The following CCDC3 variants were observed in gnomAD, a reference collection of about 807,000 sequenced individuals.
CCDC3 encodes the protein coiled-coil domain containing 3.
Under a neutral mutation model 21.4 loss-of-function variants are expected in CCDC3, and 24 were observed. The observed-to-expected ratio is 1.12, with a 90% CI of 0.81 to 1.58. CCDC3 has a LOEUF of 1.58. CCDC3 is among the 40% of genes most tolerant of loss of function. The probability of loss-of-function intolerance (pLI) is 0.00; values close to 1 mark genes in which losing one functional copy is unlikely to be tolerated. For missense variants in CCDC3, 425 were observed against 360.9 expected (o/e 1.18, Z -1.44); for synonymous variants, 186 against 166.0 (o/e 1.12, Z -0.93).
intron 3 of CCDC3, among the ~76,000 whole-genome samples, chr10:13,076,956 G>A (rs989569869): frequency 2.6e-5 from 4 of 152,264 alleles, no homozygotes; most frequent in African/African-American, 9.6e-5. Context: ...GCACAAGAGA[G>A]GGATGCCCTC....
intron 3 of CCDC3, among the ~76,000 whole-genome samples, chr10:13,087,956 T>C (rs933639620): frequency 6.6e-6 from 1 of 152,182 alleles, no homozygotes; most frequent in Non-Finnish European, 1.5e-5. Flanking sequence ...CTGTATAAAA[T>C]GATCAGATCC....
chr10:12,920,424 C>T (rs1380333328), intron 2 of CCDC3, among the ~76,000 whole-genome samples: 1 of 152,158 alleles, frequency 6.6e-6, no homozygotes, highest in Non-Finnish European at 1.5e-5. Context: ...AGGCTTTGGA[C>T]ATCAAATGTG....
intron 2 of CCDC3, among the ~76,000 whole-genome samples, chr10:12,901,481 G>T (rs1834090977): frequency 6.6e-6 from 1 of 151,986 alleles, no homozygotes; most frequent in Non-Finnish European, 1.5e-5. Context: ...CACCATATTG[G>T]CCAGGATGGT....
intron 4 of CCDC3, among the ~76,000 whole-genome samples, chr10:13,062,542 TGACA>T (rs1354924376): frequency 2.0e-5 from 3 of 152,236 alleles, no homozygotes; most frequent in African/African-American, 4.8e-5. Flanking sequence ...TGGAAAATTA[TGACA>T]GACAGTGAAA....
intron 5 of CCDC3, among the ~76,000 whole-genome samples, chr10:13,010,747 C>T (rs1835974079): frequency 1.3e-5 from 2 of 152,150 alleles, no homozygotes; most frequent in Admixed American, 6.6e-5. Flanking sequence ...AAACCGTGGC[C>T]TGCAATTAAA....
chr10:12,920,941 G>A (rs1211297435), intron 2 of CCDC3, among the ~76,000 whole-genome samples: 2 of 152,194 alleles, frequency 1.3e-5, no homozygotes, highest in Non-Finnish European at 2.9e-5. Flanking sequence ...TTGCAAACCA[G>A]GGGCTCACAG....
At chr10:12,918,552 A>G (rs1834394406) in intron 2 of CCDC3, among the ~76,000 whole-genome samples, 1 of 152,232 alleles carries the variant, frequency 6.6e-6, no homozygotes, top group Non-Finnish European at 1.5e-5. Flanking sequence ...TAAAAGTTGC[A>G]TTTCCCCTTC....
chr10:13,050,868 C>T (rs552400996), intron 4 of CCDC3, among the ~76,000 whole-genome samples: 10 of 152,074 alleles, frequency 6.6e-5, no homozygotes, highest in Non-Finnish European at 1.3e-4. Context: ...CTCATTGCAG[C>T]CTCAACCTCC....
chr10:13,038,772 AG>A (rs1419652706), intron 5 of CCDC3, among the ~76,000 whole-genome samples: 1 of 152,232 alleles, frequency 6.6e-6, no homozygotes, highest in Non-Finnish European at 1.5e-5. Flanking sequence ...AGTGCTTGGC[AG>A]GGAGCATCTT....
chr10:13,068,206 T>A (rs61851364), intron 4 of CCDC3, among the ~76,000 whole-genome samples: 1 of 152,010 alleles, frequency 6.6e-6, no homozygotes, highest in African/African-American at 2.4e-5. Context: ...TATTAGGCCT[T>A]AAAAGCTGCA....
intron 5 of CCDC3, among the ~76,000 whole-genome samples, chr10:13,008,861 C>T (rs1835954027): frequency 6.6e-6 from 1 of 152,124 alleles, no homozygotes; most frequent in East Asian, 1.9e-4. Context: ...AGTGCTTTCC[C>T]TTAAGATCAG....
upstream of CCDC3, among the ~76,000 whole-genome samples, chr10:13,003,520 G>T (rs1447669107): frequency 2.0e-5 from 3 of 152,172 alleles, no homozygotes; most frequent in African/African-American, 7.2e-5. Flanking sequence ...GATATACACA[G>T]AGCAAATTAA....
intron 5 of CCDC3, among the ~76,000 whole-genome samples, chr10:13,016,415 G>A (rs1295346436): frequency 6.6e-6 from 1 of 151,066 alleles, no homozygotes; most frequent in Admixed American, 6.6e-5. Flanking sequence ...CCTAAACGGA[G>A]ACAAGCAACT....
chr10:12,934,485 G>A (rs191406226), intron 2 of CCDC3, among the ~76,000 whole-genome samples: 1 of 152,330 alleles, frequency 6.6e-6, no homozygotes, highest in Admixed American at 6.5e-5. Flanking sequence ...GTGCTTTTGG[G>A]TTCAAGTATG....
intron 5 of CCDC3, among the ~76,000 whole-genome samples, chr10:13,014,698 G>A (rs1226596328): frequency 8.5e-5 from 13 of 152,078 alleles, no homozygotes; most frequent in East Asian, 1.9e-4. Context: ...ATCCTATAGC[G>A]GTTTGTTGGT....
At chr10:12,952,550 A>T (rs1277931124) in intron 2 of CCDC3, among the ~76,000 whole-genome samples, 1 of 152,176 alleles carries the variant, frequency 6.6e-6, no homozygotes, top group Non-Finnish European at 1.5e-5. Context: ...GTGTCTTCAC[A>T]GCCGAGTTCC....
intron 2 of CCDC3, among the ~76,000 whole-genome samples, chr10:12,956,474 G>A (rs910675975): frequency 1.3e-5 from 2 of 152,148 alleles, no homozygotes; most frequent in Non-Finnish European, 2.9e-5. Context: ...ATGGGACCTC[G>A]ATTTTGTTCA....
rs1299950047 is a variant in CCDC3 at position 13,054,290 on chromosome 10, C to T, written c.-269-4349G>A. 6.6e-5 allele frequency among the ~76,000 whole-genome samples: 10 copies of T among 152,212 alleles called. No homozygotes were observed. In the East Asian group the frequency reaches 1.2e-3, roughly 18 times the overall value. ...CAGGCCACTCCGGGCTGCCTTTGTA[C>T]TTGAGCTGCCTCTGCCTGAACTGGT... On this transcript the variant is annotated intron_variant, in intron 4 of 6. Coordinates refer to the CCDC3 transcript ENST00000378839.
At chr10:12,982,692 G>A (rs905545126) in intron 2 of CCDC3, among the ~76,000 whole-genome samples, 2 of 149,670 alleles carry the variant, frequency 1.3e-5, no homozygotes, top group Non-Finnish European at 3.0e-5. Context: ...TACTCAGGAG[G>A]CTGAGGCAGG....
Sources: allele counts gnomAD v4.1 joint callset (sites outside exome capture counted in the v4.1 genomes callset), GRCh38; gene constraint gnomAD v4.1.1; transcripts MANE v1.5; gene names NCBI Gene and HGNC (gene_info 2026-07-23, HGNC 2026-07-21).